The following COPS3 variants were observed in gnomAD, a reference collection of about 807,000 sequenced individuals.
The protein encoded by COPS3 is COP9 signalosome subunit 3, also known as COP9 signalosome complex subunit 3.
A neutral mutation model predicts 58.2 loss-of-function variants in COPS3; 10 were observed. That is an observed-to-expected ratio of 0.17 (90% CI 0.11 to 0.29). COPS3 has a LOEUF of 0.29. COPS3 is among the 10% of genes least tolerant of loss of function. The pLI, the probability that COPS3 is intolerant of heterozygous loss-of-function variation, is 1.00. For synonymous variants in COPS3, 187 were observed against 181.7 expected (o/e 1.03, Z -0.24); for missense variants, 333 against 510.1 (o/e 0.65, Z 3.34).
chr17:17,252,473 C>CAGATAACGCTTTGGTGTGTGGGCTG (rs1555616702), intron 9 of COPS3, among the ~76,000 whole-genome samples: 16 of 151,950 alleles, frequency 1.1e-4, no homozygotes, highest in South Asian at 4.1e-4. Context: ...GTCCTGGGCA[C>CAGATAACGCTTTGGTGTGTGGGCTG]TGCAGGACGT....
intron 2 of COPS3, among the ~76,000 whole-genome samples, chr17:17,271,217 G>C (rs987584114): frequency 2.0e-5 from 3 of 152,034 alleles, no homozygotes; most frequent in Non-Finnish European, 4.4e-5. Context: ...ACTGCTTAAG[G>C]CCAGGAGTTT....
At chr17:17,251,935 G>C (rs995685184) in intron 9 of COPS3, among the ~76,000 whole-genome samples, 1 of 151,900 alleles carries the variant, frequency 6.6e-6, no homozygotes, top group African/African-American at 2.4e-5. Flanking sequence ...CAGGCGTAGT[G>C]GTGGGCGCCT....
chr17:17,266,662 A>T (rs896371851), intron 5 of COPS3, among the ~76,000 whole-genome samples: 1 of 151,924 alleles, frequency 6.6e-6, no homozygotes, highest in African/African-American at 2.4e-5. Context: ...AGCCGGGTGT[A>T]GTGGTGCACG....
chr17:17,247,027 G>T lies in COPS3; in HGVS notation c.*71C>A. 3.6e-6 allele frequency: 5 copies of T among 1,370,776 alleles called. No homozygotes were observed. The highest frequency in any genetic ancestry group is 5.2e-6 in the Non-Finnish European group (5 of 958,216). 84.9% of individuals were successfully genotyped at this position (1,370,776 alleles called of 1,614,324 possible). A position where few individuals can be genotyped will look rare whatever the true frequency, so the allele number is the denominator to read the frequency against. On this transcript the variant is annotated 3_prime_UTR_variant, in exon 12 of 12. Coordinates refer to ENST00000268717, the MANE Select transcript of COPS3 (RefSeq NM_003653.4). ...AGGTGACACAGGCTTGGTCCTCTCT[G>T]CTGCCCTCCGAACACTTGTCACTGG...
At chr17:17,250,837 T>C (rs371556564) in intron 9 of COPS3, among the ~76,000 whole-genome samples, 4 of 152,210 alleles carry the variant, frequency 2.6e-5, no homozygotes, top group African/African-American at 9.6e-5. Context: ...GCCCAATACA[T>C]ATTATACAAA....
chr17:17,274,750 C>T (rs12450037), intron 2 of COPS3, among the ~76,000 whole-genome samples: 70,370 of 150,004 alleles, frequency 0.47, 17,331 homozygotes, highest in East Asian at 0.63. Flanking sequence ...ACATTTCAAT[C>T]GTGCTTTTTT....
intron 6 of COPS3, among the ~76,000 whole-genome samples, chr17:17,263,794 G>T (rs535702094): frequency 6.6e-6 from 1 of 152,266 alleles, no homozygotes; most frequent in South Asian, 2.1e-4. Context: ...GATTACAGGC[G>T]TGAGCCACCG....
At chr17:17,280,717 G>A (rs1440140671) in intron 1 of COPS3, 3 of 1,266,908 alleles carry the variant, frequency 2.4e-6, no homozygotes, top group South Asian at 1.3e-5. Flanking sequence ...CCCGCTCCCG[G>A]CGGCCTAGTC....
intron 8 of COPS3, among the ~76,000 whole-genome samples, chr17:17,258,231 G>T (rs1031555933): frequency 7.2e-5 from 11 of 152,170 alleles, no homozygotes; most frequent in African/African-American, 2.7e-4. Flanking sequence ...CCAGGACCTT[G>T]ATGACTTTGT....
chr17:17,265,554 A>C (rs1407154541), intron 5 of COPS3, among the ~76,000 whole-genome samples: 1 of 151,894 alleles, frequency 6.6e-6, no homozygotes, highest in African/African-American at 2.4e-5. Flanking sequence ...GTGCACCACC[A>C]CACCCAGCTA....
intron 2 of COPS3, among the ~76,000 whole-genome samples, chr17:17,271,880 TTAA>T (rs1296166562): frequency 7.9e-6 from 1 of 125,894 alleles, no homozygotes; most frequent in Non-Finnish European, 1.8e-5. Context: ...ACACATATGT[TTAA>T]TAATATATAT....
intron 8 of COPS3, among the ~76,000 whole-genome samples, chr17:17,256,069 C>T (rs2047969469): frequency 6.7e-6 from 1 of 148,846 alleles, no homozygotes; most frequent in Non-Finnish European, 1.5e-5. Context: ...GTCCCAGCTA[C>T]TTGGGAGGCT....
intron 1 of COPS3, among the ~76,000 whole-genome samples, chr17:17,279,338 GAAATTAAGTGGTTCACCCA>G (rs2048527358): frequency 6.6e-6 from 1 of 152,096 alleles, no homozygotes; most frequent in African/African-American, 2.4e-5. Context: ...TTGGCCCAGG[GAAATTAAGTGGTTCACCCA>G]AGAAGTGACC....
Position 17,264,917 on chromosome 17 carries a change from A to G in COPS3, c.506T>C (p.Ile169Thr), listed in dbSNP as rs758303875. The G allele has an allele frequency of 1.2e-6, 2 of 1,613,648 alleles. No individual in the cohort carries two copies. Among genetic ancestry groups the G allele is most frequent in the Non-Finnish European group, 8.5e-7 (1 of 1,179,910 alleles). The change falls in exon 6 of 12, where the codon ATC (isoleucine) becomes ACC (threonine). Residue 169 changes from isoleucine (I) to threonine (T), a missense_variant. Ile to Thr is a moderately conservative substitution (Grantham distance 89). Coordinates refer to ENST00000268717, the MANE Select transcript of COPS3 (RefSeq NM_003653.4). ...LPYLDVDMMD[I>T]CKENGAYDAK... ...ATCATAGGCTCCATTCTCTTTACAG[A>G]TATCCATCATATCCACGTCAAGATA...
In COPS3 at chr17:17,281,241, C is replaced by A; in HGVS notation, c.-55G>T. On this transcript the variant is annotated 5_prime_UTR_variant, in exon 1 of 12. Transcript: ENST00000268717. ...GGCAGCACGCGCGGGAAAAGGCTGC[C>A]GCTCTGGGAGGAGGGGCCGCGGCGA... The A allele has an allele frequency of 6.4e-7, 1 of 1,574,136 alleles. No individual in the cohort carries two copies. The highest frequency in any genetic ancestry group is 2.3e-5 in the East Asian group (1 of 43,686).
intron 1 of COPS3, chr17:17,280,430 G>A: frequency 6.0e-6 from 3 of 501,422 alleles, no homozygotes; most frequent in Non-Finnish European, 8.5e-6. Flanking sequence ...TGAGCTGGCG[G>A]GCGCCTGTAA....
intron 4 of COPS3, among the ~76,000 whole-genome samples, chr17:17,269,985 G>A (rs767781356): frequency 6.6e-6 from 1 of 152,060 alleles, no homozygotes; most frequent in Non-Finnish European, 1.5e-5. Flanking sequence ...GTGAAACCCC[G>A]TCTCTACTAA....
chr17:17,264,907 C>G lies in COPS3; in HGVS notation c.516G>C (p.Glu172Asp). 1 of 1,613,914 alleles carries G rather than the reference C, an allele frequency of 6.2e-7. No individual in the cohort carries two copies. The highest frequency in any genetic ancestry group is 8.5e-7 in the Non-Finnish European group (1 of 1,179,884). ...LDVDMMDICK[E>D]NGAYDAKHFL... is the part of the protein sequence containing the mutation. Reference sequence around the variant, plus strand: ...AGTGTTTTGCATCATAGGCTCCATTCTCTTTACAGATATCCATCATATCCA... The same window carrying G: ...AGTGTTTTGCATCATAGGCTCCATTGTCTTTACAGATATCCATCATATCCA... The change falls in exon 6 of 12, where the codon GAG becomes GAC. Residue 172 changes from glutamate to aspartate, a missense_variant. Glu to Asp is a conservative substitution (Grantham distance 45). Transcript: ENST00000268717.
chr17:17,265,407 T>G, intron 5 of COPS3, among the ~76,000 whole-genome samples: 1 of 152,002 alleles, frequency 6.6e-6, no homozygotes, highest in East Asian at 1.9e-4. Flanking sequence ...TTACCTTTTT[T>G]TTTTTTTTTG....
Sources: allele counts gnomAD v4.1 joint callset (sites outside exome capture counted in the v4.1 genomes callset), GRCh38; gene constraint gnomAD v4.1.1; transcripts MANE v1.5; gene names NCBI Gene and HGNC (gene_info 2026-07-23, HGNC 2026-07-21).